Variants in PLCB1 observed in about 807,000 individuals in gnomAD.
PLCB1 encodes the protein phospholipase C beta 1.
Under a neutral mutation model 161.8 loss-of-function variants are expected in PLCB1, and 46 were observed. The ratio of observed to expected loss-of-function variants is 0.28; its 90% CI spans 0.22 to 0.36. The LOEUF is 0.36. PLCB1 is among the 10% of genes least tolerant of loss of function. The pLI is 1.00. For missense variants in PLCB1, 1,016 were observed against 1,472.5 expected (o/e 0.69, Z 5.07); for synonymous variants, 517 against 503.7 (o/e 1.03, Z -0.35).
chr20:8,521,387 T>C (rs1005215474), intron 3 of PLCB1, among the ~76,000 whole-genome samples: 1 of 151,992 alleles, frequency 6.6e-6, no homozygotes, highest in African/African-American at 2.4e-5. Flanking sequence ...GCCAAGGTAC[T>C]TTCACCTACA....
At chr20:8,269,530 C>A (rs966805666) in intron 2 of PLCB1, among the ~76,000 whole-genome samples, 12 of 152,086 alleles carry the variant, frequency 7.9e-5, no homozygotes, top group Admixed American at 6.6e-4. Context: ...TAACTCAGAG[C>A]TTTAGAAACC....
At chr20:8,357,658 TA>T (rs1285615149) in intron 2 of PLCB1, among the ~76,000 whole-genome samples, 1 of 149,822 alleles carries the variant, frequency 6.7e-6, no homozygotes, top group Non-Finnish European at 1.5e-5. Flanking sequence ...CTTTACAAAA[TA>T]AAAAAGGAAA....
At chr20:8,741,781 C>T (rs1199921800) in intron 23 of PLCB1, among the ~76,000 whole-genome samples, 1 of 152,164 alleles carries the variant, frequency 6.6e-6, no homozygotes, top group Non-Finnish European at 1.5e-5. Context: ...TCTGTGGATA[C>T]CACGAGCATC....
intron 2 of PLCB1, among the ~76,000 whole-genome samples, chr20:8,354,075 G>A (rs1457834983): frequency 1.3e-5 from 2 of 151,584 alleles, no homozygotes; most frequent in Non-Finnish European, 2.9e-5. Context: ...GGGGCTGGAA[G>A]TGAAGGTTAG....
chr20:8,498,612 T>A (rs1983277592), intron 3 of PLCB1, among the ~76,000 whole-genome samples: 1 of 152,152 alleles, frequency 6.6e-6, no homozygotes, highest in African/African-American at 2.4e-5. Flanking sequence ...TAGTTGGTGA[T>A]GCATTACCAG....
chr20:8,826,717 A>C (rs1295263070), intron 31 of PLCB1, among the ~76,000 whole-genome samples: 1 of 152,210 alleles, frequency 6.6e-6, no homozygotes, highest in East Asian at 1.9e-4. Flanking sequence ...AGTTAACCCT[A>C]AATCATCTTT....
chr20:8,811,942 A>C (rs1984841547), intron 31 of PLCB1, among the ~76,000 whole-genome samples: 1 of 152,236 alleles, frequency 6.6e-6, no homozygotes, highest in Non-Finnish European at 1.5e-5. Context: ...GATTTTTACC[A>C]GCAAGGTCGA....
intron 3 of PLCB1, among the ~76,000 whole-genome samples, chr20:8,509,768 AGATAGAT>A (rs1983796832): frequency 6.6e-6 from 1 of 151,282 alleles, no homozygotes; most frequent in African/African-American, 2.5e-5. Flanking sequence ...ATAGATAGAT[AGATAGAT>A]AGATAGATAG....
chr20:8,650,165 T>C (rs1042084814), intron 7 of PLCB1, among the ~76,000 whole-genome samples: 5 of 148,548 alleles, frequency 3.4e-5, no homozygotes, highest in African/African-American at 1.3e-4. Flanking sequence ...TAAACCCTTC[T>C]TGATGTTTTT....
intron 10 of PLCB1, among the ~76,000 whole-genome samples, chr20:8,692,731 A>G (rs1256552725): frequency 6.6e-6 from 1 of 152,052 alleles, no homozygotes; most frequent in Non-Finnish European, 1.5e-5. Flanking sequence ...ATGACTGTGT[A>G]CCCTAAGCAT....
intron 3 of PLCB1, among the ~76,000 whole-genome samples, chr20:8,586,503 C>A (rs767765339): frequency 1.3e-5 from 2 of 148,744 alleles, no homozygotes; most frequent in Non-Finnish European, 3.0e-5. Context: ...TAGGGAAAAA[C>A]GTATTTGCAT....
chr20:8,405,356 A>G (rs980094416), intron 3 of PLCB1, among the ~76,000 whole-genome samples: 2 of 152,192 alleles, frequency 1.3e-5, no homozygotes, highest in Admixed American at 6.5e-5. Context: ...ATATCCTCAC[A>G]GTGAAAGCAG....
intron 31 of PLCB1, among the ~76,000 whole-genome samples, chr20:8,859,398 T>G (rs577760810): frequency 6.6e-6 from 1 of 152,314 alleles, no homozygotes; most frequent in East Asian, 1.9e-4. Flanking sequence ...CCTGTGGATC[T>G]TGTTAATATG....
rs143224597 is a variant in PLCB1, at chr20:8,685,231, C to T, written c.1009+153C>T. On this transcript the variant is annotated intron_variant, in intron 10 of 31. Coordinates refer to ENST00000338037, the MANE Select transcript of PLCB1 (RefSeq NM_015192.4). ...GGGTTCCACCACTAAAGCCTCCCGC[C>T]TCCCATAAGCAGTCATGTCCACATG... 5.3e-3 allele frequency among the ~76,000 whole-genome samples: 814 copies of T among 152,242 alleles called. 10 individuals are homozygous for T. The highest frequency in any genetic ancestry group is 0.019 in the African/African-American group (778 of 41,530).
chr20:8,365,433 A>G (rs749506954), intron 2 of PLCB1, among the ~76,000 whole-genome samples: 1 of 152,136 alleles, frequency 6.6e-6, no homozygotes, highest in Non-Finnish European at 1.5e-5. Context: ...GTCTCCACTG[A>G]AAGTTGTGGA....
At chr20:8,526,905 CT>C (rs1363321281) in intron 3 of PLCB1, among the ~76,000 whole-genome samples, 1 of 151,618 alleles carries the variant, frequency 6.6e-6, no homozygotes, top group Non-Finnish European at 1.5e-5. Context: ...CACCCCTCAT[CT>C]TTAGCAGCTT....
chr20:8,715,667 C>T (rs984920642), intron 12 of PLCB1, among the ~76,000 whole-genome samples: 4 of 152,168 alleles, frequency 2.6e-5, no homozygotes, highest in African/African-American at 9.7e-5. Flanking sequence ...GTGCCTGCTA[C>T]TTTTATCTTT....
chr20:8,770,056 C>T (rs1230407192), intron 26 of PLCB1, among the ~76,000 whole-genome samples: 1 of 151,990 alleles, frequency 6.6e-6, no homozygotes, highest in Admixed American at 6.6e-5. Flanking sequence ...GGGTTCATGC[C>T]ATTCTCCTGC....
At chr20:8,484,005 C>T (rs1156760605) in intron 3 of PLCB1, among the ~76,000 whole-genome samples, 5 of 152,116 alleles carry the variant, frequency 3.3e-5, no homozygotes, top group African/African-American at 7.2e-5. Context: ...TTCTTGGACC[C>T]GTTGCTTCCT....
Sources: allele counts gnomAD v4.1 joint callset (sites outside exome capture counted in the v4.1 genomes callset), GRCh38; gene constraint gnomAD v4.1.1; transcripts MANE v1.5; gene names NCBI Gene and HGNC (gene_info 2026-07-23, HGNC 2026-07-21).